The following ROBO1 variants were observed in gnomAD, a reference collection of about 807,000 sequenced individuals.
ROBO1 encodes roundabout homolog 1.
ROBO1 carries 149 observed loss-of-function variants against 195.9 expected under a neutral mutation model. The ratio of observed to expected loss-of-function variants is 0.76; its 90% CI spans 0.67 to 0.87. The LOEUF is 0.87. Among genes scored for constraint, ROBO1 ranks in the 40% least tolerant of loss-of-function variants. The probability of loss-of-function intolerance (pLI) is 0.00; values close to 1 mark genes in which losing one functional copy is unlikely to be tolerated. For synonymous variants in ROBO1, 816 were observed against 733.2 expected, an observed-to-expected ratio of 1.11 and a Z score of -1.82; for missense variants, 1,933 against 2,068.3, an observed-to-expected ratio of 0.93 and a Z score of 1.27.
At chr3:79,766,094 C>T (rs1704970387) in intron 1 of ROBO1, among the ~76,000 whole-genome samples, 1 of 132,058 alleles carries the variant, frequency 7.6e-6, no homozygotes, top group Non-Finnish European at 1.6e-5. Flanking sequence ...CCCTTTCCTC[C>T]CTTCATCTAT....
At chr3:79,552,393 T>G (rs1171528671) in intron 2 of ROBO1, among the ~76,000 whole-genome samples, 1 of 152,098 alleles carries the variant, frequency 6.6e-6, no homozygotes, top group Non-Finnish European at 1.5e-5. Context: ...CAGTGACTTG[T>G]GCAATAAAAG....
At chr3:79,102,935 A>G (rs898917343) in intron 3 of ROBO1, among the ~76,000 whole-genome samples, 11 of 151,782 alleles carry the variant, frequency 7.2e-5, no homozygotes, top group Non-Finnish European at 1.5e-4. Flanking sequence ...AGAAATTCCT[A>G]GTGGCCTGGG....
intron 2 of ROBO1, among the ~76,000 whole-genome samples, chr3:79,218,233 G>C (rs1003364333): frequency 2.0e-5 from 3 of 151,920 alleles, no homozygotes; most frequent in Non-Finnish European, 2.9e-5. Context: ...TAAAAATTAG[G>C]AAATTTGAAA....
intron 3 of ROBO1, among the ~76,000 whole-genome samples, chr3:78,989,807 A>G (rs778087389): frequency 3.1e-4 from 47 of 152,052 alleles, no homozygotes; most frequent in Non-Finnish European, 6.3e-4. Context: ...AAAAAACCCT[A>G]TATACCATTG....
chr3:79,575,216 T>A (rs1228523144), intron 2 of ROBO1, among the ~76,000 whole-genome samples: 5 of 101,074 alleles, frequency 4.9e-5, no homozygotes, highest in Admixed American at 2.2e-4. Context: ...AACAGATATA[T>A]ATATATAACA....
intron 3 of ROBO1, among the ~76,000 whole-genome samples, chr3:78,998,055 G>T (rs1284710605): frequency 6.6e-6 from 1 of 152,102 alleles, no homozygotes; most frequent in Non-Finnish European, 1.5e-5. Context: ...GTTACATAGT[G>T]ATTGCTCAGT....
intron 1 of ROBO1, among the ~76,000 whole-genome samples, chr3:79,609,824 G>A (rs972158197): frequency 9.2e-5 from 14 of 151,750 alleles, no homozygotes; most frequent in African/African-American, 1.5e-4. Flanking sequence ...AAAGTAGACC[G>A]GAGGTTTGCA....
intron 3 of ROBO1, among the ~76,000 whole-genome samples, chr3:79,044,153 A>T (rs974549656): frequency 1.1e-4 from 16 of 151,982 alleles, no homozygotes; most frequent in Admixed American, 3.9e-4. Flanking sequence ...CGCAAAAAAA[A>T]ATCTCATCAT....
intron 4 of ROBO1, among the ~76,000 whole-genome samples, chr3:78,922,845 G>T (rs911292032): frequency 6.6e-6 from 1 of 151,694 alleles, no homozygotes; most frequent in Non-Finnish European, 1.5e-5. Context: ...GGATCCACCC[G>T]CCTCTGCCTC....
rs771107972 is a variant in ROBO1, at chr3:78,717,782, T to C, written c.759A>G (p.Val253=). Reference sequence around the variant, plus strand: ...ACTTACCTAAGACAGTCAGCTCGGCTACTTCACTCTCACGTTCCCCAACCA... The same window carrying C: ...ACTTACCTAAGACAGTCAGCTCGGCCACTTCACTCTCACGTTCCCCAACCA... ...TNMVGERESE[V]AELTVLERPS... The change falls in exon 6 of 31, where the codon GTA becomes GTG. Residue 253 remains valine (V), a synonymous_variant. Coordinates refer to ENST00000464233, the MANE Select transcript of ROBO1 (RefSeq NM_002941.4). The C allele has an allele frequency of 5.6e-6, 9 of 1,613,726 alleles. No individual in the cohort carries two copies. Among genetic ancestry groups the C allele is most frequent in the Non-Finnish European group, 7.6e-6 (9 of 1,179,728 alleles).
chr3:78,690,451 C>T (rs2081147042), intron 8 of ROBO1, among the ~76,000 whole-genome samples: 2 of 151,940 alleles, frequency 1.3e-5, no homozygotes. Context: ...GAAGTTCTAG[C>T]TTATAATTTT....
chr3:79,476,560 T>C (rs1032558283), intron 2 of ROBO1, among the ~76,000 whole-genome samples: 6 of 151,982 alleles, frequency 3.9e-5, no homozygotes, highest in Admixed American at 3.3e-4. Context: ...TATATATATA[T>C]ACCATGGAAT....
intron 2 of ROBO1, among the ~76,000 whole-genome samples, chr3:79,189,355 T>C (rs1360848458): frequency 3.3e-5 from 5 of 151,784 alleles, no homozygotes; most frequent in African/African-American, 1.2e-4. Context: ...ATGATAATTT[T>C]CTTTGAACTA....
intron 4 of ROBO1, among the ~76,000 whole-genome samples, chr3:78,762,159 T>C (rs985026191): frequency 6.6e-6 from 1 of 152,074 alleles, no homozygotes; most frequent in African/African-American, 2.4e-5. Context: ...TAAAGACAGA[T>C]ATCTTTAGGT....
chr3:79,657,282 C>T (rs974460083), intron 1 of ROBO1, among the ~76,000 whole-genome samples: 1 of 151,936 alleles, frequency 6.6e-6, no homozygotes, highest in Non-Finnish European at 1.5e-5. Context: ...GCTGAATAAG[C>T]ATTTTGATGC....
At chr3:78,764,403 G>T (rs1485518480) in intron 4 of ROBO1, among the ~76,000 whole-genome samples, 4 of 152,102 alleles carry the variant, frequency 2.6e-5, no homozygotes, top group Admixed American at 6.6e-5. Flanking sequence ...TACTTGAACA[G>T]ATTCCAAAGA....
Position 79,355,093 on chromosome 3 carries a change from G to GAGGT in ROBO1, c.89-229558_89-229555dup, listed in dbSNP as rs2109281752. On this transcript the variant is annotated intron_variant, in intron 2 of 30. Transcript: ENST00000464233. ...AGGCAGGAGAATTGCTTGAAGCCAG[G>GAGGT]AGGTGGAGCTTGCAGTGAGCCGAGA... 1.3e-5 allele frequency among the ~76,000 whole-genome samples: 2 copies of GAGGT among 152,120 alleles called. 1 individual carries two copies. The highest frequency in any genetic ancestry group is 4.1e-4 in the South Asian group (2 of 4,824).
intron 2 of ROBO1, among the ~76,000 whole-genome samples, chr3:79,297,347 C>T (rs950233867): frequency 6.6e-6 from 1 of 152,142 alleles, no homozygotes; most frequent in African/African-American, 2.4e-5. Flanking sequence ...GATTACATTT[C>T]TCTACCACCA....
At chr3:79,035,871 T>C (rs1318590812) in intron 3 of ROBO1, among the ~76,000 whole-genome samples, 1 of 152,198 alleles carries the variant, frequency 6.6e-6, no homozygotes, top group Non-Finnish European at 1.5e-5. Flanking sequence ...AACAAAACTA[T>C]CTGGGACCAT....
Sources: allele counts gnomAD v4.1 joint callset (sites outside exome capture counted in the v4.1 genomes callset), GRCh38; gene constraint gnomAD v4.1.1; transcripts MANE v1.5; gene names NCBI Gene and HGNC (gene_info 2026-07-23, HGNC 2026-07-21).